HSP90B1: variants seen among roughly 807,000 people sequenced by gnomAD.
HSP90B1 encodes endoplasmin.
HSP90B1 carries 27 observed loss-of-function variants against 100.4 expected under a neutral mutation model. The ratio of observed to expected loss-of-function variants is 0.27; its 90% CI spans 0.20 to 0.37. The LOEUF (loss-of-function observed/expected upper bound fraction) is 0.37. HSP90B1 is among the 10% of genes least tolerant of loss of function. The pLI is 1.00. For missense variants in HSP90B1, 678 were observed against 960.5 expected, an observed-to-expected ratio of 0.71 and a Z score of 3.89; for synonymous variants, 304 against 330.8, an observed-to-expected ratio of 0.92 and a Z score of 0.88.
rs1593486127 is a variant in HSP90B1, at chr12:103,930,872, C to G, written c.49+308C>G. Among the ~76,000 whole-genome samples the G allele has an allele frequency of 6.6e-6, 1 of 150,832 alleles. No homozygotes were observed. Among genetic ancestry groups the G allele is most frequent in the African/African-American group, 2.4e-5 (1 of 41,002 alleles). ...CGGGAGCTGTGCGAGTCCCTCCCCC[C>G]TCCCCGCCCGGAGGACTTTTTCGGC... On this transcript the variant is annotated intron_variant, in intron 1 of 17. Transcript: ENST00000299767. The surrounding 1 kb of genome is among the most constrained non-coding windows in gnomAD (Gnocchi z 4.4).
intron 8 of HSP90B1, 52 bp downstream of exon 8, chr12:103,939,677 T>A (rs773609488): frequency 4.9e-6 from 4 of 814,212 alleles, no homozygotes; most frequent in Non-Finnish European, 7.9e-6. Flanking sequence ...AGACAAAATA[T>A]CACCCTCTTA....
In HSP90B1 at chr12:103,941,980, G is replaced by C. The variant is rs1048793645; in HGVS notation, c.1374+83G>C. The C allele has an allele frequency of 1.1e-5, 11 of 969,914 alleles. No homozygotes were observed. In the East Asian group the frequency reaches 2.7e-4, roughly 24 times the overall value. The allele number at this position is 969,914 out of a possible 1,614,324, so 60.1% of individuals were successfully genotyped here. ...AGGCTCCATTTGTGGAGTAAAACCA[G>C]ATTTTGGGTCTGGTCCATGATTCTT... On this transcript the variant is annotated intron_variant, in intron 11 of 17. Transcript: ENST00000299767.
At chr12:103,936,622 CAAAAAA>C (rs10611658) in intron 5 of HSP90B1, among the ~76,000 whole-genome samples, 14 of 116,818 alleles carry the variant, frequency 1.2e-4, no homozygotes, top group Non-Finnish European at 1.6e-4. Context: ...GACAGAGGTC[CAAAAAA>C]AAAAAAAAAA....
At chr12:103,941,991 T>C (rs1870094719) in intron 11 of HSP90B1, 94 bp downstream of exon 11, 10 of 882,192 alleles carry the variant, frequency 1.1e-5, no homozygotes, top group Non-Finnish European at 1.9e-5. Context: ...ATTTTGGGTC[T>C]GGTCCATGAT....
At chr12:103,935,260 G>A (rs1869879638) in intron 5 of HSP90B1, among the ~76,000 whole-genome samples, 1 of 152,204 alleles carries the variant, frequency 6.6e-6, no homozygotes, top group Non-Finnish European at 1.5e-5. Context: ...GCCAGTAACT[G>A]TTGTTTGTAT....
At chr12:103,934,863 A>G (rs1593488065) in intron 5 of HSP90B1, among the ~76,000 whole-genome samples, 1 of 152,110 alleles carries the variant, frequency 6.6e-6, no homozygotes, top group East Asian at 1.9e-4. Flanking sequence ...CACCACGCCC[A>G]GCTAATTTTG....
At chr12:103,931,126 G>A (rs759379063) in intron 1 of HSP90B1, among the ~76,000 whole-genome samples, 1 of 152,222 alleles carries the variant, frequency 6.6e-6, no homozygotes, top group Non-Finnish European at 1.5e-5. Flanking sequence ...GCCAGAGGTT[G>A]CATAAATCCT....
At position 103,930,646 on chromosome 12, in the gene HSP90B1, A is replaced by AG. The variant is rs1173500418; in HGVS notation, c.49+88dup. The AG allele has an allele frequency of 1.7e-5, 24 of 1,407,460 alleles. No homozygotes were observed. The African/African-American group carries it at 3.4e-4, about 20-fold the overall frequency. The allele number at this position is 1,407,460 out of a possible 1,614,324, so 87.2% of individuals were successfully genotyped here. On this transcript the variant is annotated intron_variant, in intron 1 of 17. Coordinates refer to ENST00000299767, the MANE Select transcript of HSP90B1 (RefSeq NM_003299.3). This position sits in a 1 kb window ranked among gnomAD's most constrained non-coding sequence, Gnocchi z 4.4. ...AGGTCCTGGGGGCGTTGAACGTGGG[A>AG]GGGGGGATCCCGGGGCCTGCGGTGG...
rs769352271 is a variant in HSP90B1, at chr12:103,934,038, C to A, written c.494C>A (p.Thr165Asn). ...GAAGAGTTGGTTAAAAACCTTGGTA[C>A]CATAGCCAAATCTGGGACAAGCGAG... ...TREELVKNLG[T>N]IAKSGTSEFL... The change falls in exon 5 of 18, where the codon ACC becomes AAC. Residue 165 changes from threonine to asparagine, a missense_variant. Transcript: ENST00000299767. 3.1e-6 allele frequency: 5 copies of A among 1,614,152 alleles called. No homozygotes were observed. Among genetic ancestry groups the A allele is most frequent in the Admixed American group, 3.3e-5 (2 of 60,012 alleles).
rs1442590759 is a variant in HSP90B1, at chr12:103,943,434, TTTAA to T, written c.1890+121_1890+124del. On this transcript the variant is annotated intron_variant, in intron 13 of 17. Coordinates refer to ENST00000299767, the MANE Select transcript of HSP90B1 (RefSeq NM_003299.3). This position sits in a 1 kb window ranked among gnomAD's most constrained non-coding sequence, Gnocchi z 5.3. ...TTTGTAACCATTAGAATGGTAAAAA[TTTAA>T]TTAATGTAATTAAATTATTGGGAGA... 1.3e-5 allele frequency: 12 copies of T among 954,748 alleles called. No individual in the cohort carries two copies. In the East Asian group the frequency reaches 2.4e-4, roughly 19 times the overall value. 59.1% of individuals were successfully genotyped at this position (954,748 alleles called of 1,614,324 possible).
At chr12:103,944,564 T>C (rs1032891923) in intron 14 of HSP90B1, among the ~76,000 whole-genome samples, 3 of 152,138 alleles carry the variant, frequency 2.0e-5, no homozygotes, top group South Asian at 4.2e-4. Flanking sequence ...GATTCTTTTT[T>C]TTTTTCCCCC....
chr12:103,931,985 T>G, intron 2 of HSP90B1: 1 of 454,514 alleles, frequency 2.2e-6, no homozygotes, highest in Non-Finnish European at 4.0e-6. Flanking sequence ...TATTGACAGT[T>G]TTGAAGTCCT....
At chr12:103,945,554 GTAT>G (rs1474746803) in intron 14 of HSP90B1, among the ~76,000 whole-genome samples, 2 of 152,118 alleles carry the variant, frequency 1.3e-5, no homozygotes, top group East Asian at 1.9e-4. Flanking sequence ...CGTGGAGAAG[GTAT>G]TATTATTGGA....
At chr12:103,939,441 C>T in intron 7 of HSP90B1, 68 bp from the exon 8 acceptor site, 2 of 672,972 alleles carry the variant, frequency 3.0e-6, no homozygotes, top group Non-Finnish European at 5.1e-6. Flanking sequence ...CTACTGAAGC[C>T]ATGGTTACTG....
chr12:103,934,369 C>G (rs1869846400), intron 5 of HSP90B1, 82 bp downstream of exon 5: 3 of 1,116,680 alleles, frequency 2.7e-6, no homozygotes, highest in Non-Finnish European at 3.9e-6. Flanking sequence ...GAGCAAATGA[C>G]TTATTCTGGG....
Position 103,943,077 on chromosome 12 carries a change from G to A in HSP90B1, c.1648G>A (p.Glu550Lys), listed in dbSNP as rs1041090731. The part of the protein sequence containing the change: ...FMAGSSRKEA[E>K]SSPFVERLLK... ...TTGTGACTTCTTAATTTTGTAGGCT[G>A]AATCTTCTCCATTTGTTGAGCGACT... The change falls in exon 13 of 18, where the codon GAA becomes AAA. Residue 550 changes from glutamate (E) to lysine (K), a missense_variant. This residue lies in a region of HSP90B1 where 170 missense variants were observed against 236.7 expected (regional missense o/e 0.72). Transcript: ENST00000299767. This position sits in a 1 kb window ranked among gnomAD's most constrained non-coding sequence, Gnocchi z 5.3. 1 of 1,613,840 alleles carries A rather than the reference G, an allele frequency of 6.2e-7. No individual in the cohort carries two copies. Among genetic ancestry groups the A allele is most frequent in the East Asian group, 2.2e-5 (1 of 44,878 alleles).
intron 2 of HSP90B1, 82 bp from the exon 3 acceptor site, chr12:103,932,195 C>G: frequency 9.1e-7 from 1 of 1,097,388 alleles, no homozygotes; most frequent in South Asian, 1.6e-5. Context: ...TATTCAGAGG[C>G]CCCTGTGCTT....
chr12:103,937,903 A>C, intron 6 of HSP90B1, 97 bp downstream of exon 6: 1 of 640,608 alleles, frequency 1.6e-6, no homozygotes, highest in South Asian at 1.9e-5. Context: ...GCGGTGGCTC[A>C]TGCTTGTAAT....
intron 2 of HSP90B1, chr12:103,931,998 C>T (rs1016154646): frequency 5.5e-5 from 25 of 456,192 alleles, no homozygotes; most frequent in Non-Finnish European, 8.4e-5. Flanking sequence ...GAAGTCCTCA[C>T]TGTGGAGCAT....
Sources: allele counts gnomAD v4.1 joint callset (sites outside exome capture counted in the v4.1 genomes callset), GRCh38; gene constraint gnomAD v4.1.1; regional missense constraint gnomAD v4.1.1; non-coding constraint Gnocchi (gnomAD v3.1); transcripts MANE v1.5; gene names NCBI Gene and HGNC (gene_info 2026-07-23, HGNC 2026-07-21).